Variants in WIPF2 observed in about 807,000 individuals in gnomAD.
WIPF2 encodes the protein WAS/WASL interacting protein family member 2.
Under a neutral mutation model 38.8 loss-of-function variants are expected in WIPF2, and 23 were observed. The observed-to-expected ratio is 0.59, with a 90% CI of 0.43 to 0.84. The LOEUF is 0.84. Ranked by LOEUF, WIPF2 falls within the 40% of genes least tolerant of loss-of-function variation. WIPF2 has a pLI of 0.00. For missense variants in WIPF2, 574 were observed against 580.5 expected (o/e 0.99, Z 0.11); for synonymous variants, 210 against 223.2 (o/e 0.94, Z 0.53).
At chr17:40,260,257 G>A (rs1401651639) in intron 2 of WIPF2, among the ~76,000 whole-genome samples, 2 of 138,636 alleles carry the variant, frequency 1.4e-5, no homozygotes, top group Non-Finnish European at 3.0e-5. Flanking sequence ...GTGTGATCTC[G>A]GCTCACTGCA....
intron 1 of WIPF2, among the ~76,000 whole-genome samples, chr17:40,242,091 A>G (rs1035205362): frequency 1.3e-5 from 2 of 152,192 alleles, no homozygotes; most frequent in African/African-American, 4.8e-5. Context: ...GCTCTATAGA[A>G]ATAGCTGTAA....
At chr17:40,241,008 T>C (rs1158240815) in intron 1 of WIPF2, among the ~76,000 whole-genome samples, 1 of 152,156 alleles carries the variant, frequency 6.6e-6, no homozygotes, top group Non-Finnish European at 1.5e-5. Context: ...GAACATTGAT[T>C]AATGCATGCA....
intron 1 of WIPF2, among the ~76,000 whole-genome samples, chr17:40,249,429 T>C (rs1423245275): frequency 1.3e-5 from 2 of 152,138 alleles, no homozygotes; most frequent in Non-Finnish European, 2.9e-5. Context: ...CTTTGTCTTT[T>C]TAAAGATGGA....
intron 2 of WIPF2, among the ~76,000 whole-genome samples, chr17:40,259,763 G>T (rs1184207890): frequency 6.6e-6 from 1 of 152,058 alleles, no homozygotes; most frequent in African/African-American, 2.4e-5. Flanking sequence ...TCAGCTTCTG[G>T]CCCACCCTTT....
Position 40,263,557 on chromosome 17 carries a change from C to A in WIPF2, c.313+916C>A, listed in dbSNP as rs902596317. Among the ~76,000 whole-genome samples the A allele has an allele frequency of 5.0e-5, 7 of 139,538 alleles. 1 individual carries two copies. The highest frequency in any genetic ancestry group is 1.6e-4 in the African/African-American group (6 of 38,414). The allele number at this position is 139,538 out of a possible 152,430, so 91.5% of individuals were successfully genotyped here. A position where few individuals can be genotyped will look rare whatever the true frequency, so the allele number is the denominator to read the frequency against. On this transcript the variant is annotated intron_variant, in intron 4 of 7. Coordinates refer to ENST00000323571, the MANE Select transcript of WIPF2 (RefSeq NM_133264.5). Reference sequence around the variant, plus strand: ...ATTTTATTTATTCGTCCCCCCCCCCCCCGCAAATGGAGTCTTGCTCTGTCG... The same window carrying A: ...ATTTTATTTATTCGTCCCCCCCCCCACCGCAAATGGAGTCTTGCTCTGTCG...
chr17:40,276,003 C>T (rs1338404063), intron 6 of WIPF2, among the ~76,000 whole-genome samples: 2 of 152,142 alleles, frequency 1.3e-5, no homozygotes, highest in Non-Finnish European at 2.9e-5. Context: ...GATCAAGCCG[C>T]ACTTACAGAA....
At position 40,282,146 on chromosome 17, in the gene WIPF2, A is replaced by G; in HGVS notation, c.*3921A>G. ...AAAAAAAAAAAAAAGGATAACTTTAACCGAAGGAAGGGTTTGGTTCCATTC... is the reference window on the plus strand; with the variant it reads ...AAAAAAAAAAAAAAGGATAACTTTAGCCGAAGGAAGGGTTTGGTTCCATTC... On this transcript the variant is annotated 3_prime_UTR_variant, in exon 8 of 8. Transcript: ENST00000323571. 6.6e-6 allele frequency: 1 copy of G among 150,636 alleles called. No homozygotes were observed. The highest frequency in any genetic ancestry group is 1.5e-5 in the Non-Finnish European group (1 of 67,798). 9.3% of individuals were successfully genotyped at this position (150,636 alleles called of 1,614,324 possible). A position where few individuals can be genotyped will look rare whatever the true frequency, so the allele number is the denominator to read the frequency against.
intron 5 of WIPF2, among the ~76,000 whole-genome samples, chr17:40,270,143 A>G (rs971270575): frequency 6.6e-6 from 1 of 150,754 alleles, no homozygotes; most frequent in Non-Finnish European, 1.5e-5. Flanking sequence ...AGGCGGGCAG[A>G]TCATGAGGTC....
chr17:40,223,264 C>T (rs2030330521), intron 1 of WIPF2, among the ~76,000 whole-genome samples: 2 of 151,936 alleles, frequency 1.3e-5, no homozygotes, highest in Non-Finnish European at 2.9e-5. Context: ...CTGGCTCAGC[C>T]TCCCAAGTAG....
intron 4 of WIPF2, among the ~76,000 whole-genome samples, 197 bp from the exon 5 acceptor site, chr17:40,264,293 T>G (rs2032003818): frequency 8.8e-6 from 1 of 113,440 alleles, no homozygotes; most frequent in African/African-American, 3.5e-5. Context: ...ACCATTGCAC[T>G]CCAGCCTAGG....
In WIPF2 at chr17:40,283,690, TAAAGA is replaced by T. The variant is rs1255468139; in HGVS notation, c.*5472_*5476del. 2 of 152,202 alleles carry T rather than the reference TAAAGA, an allele frequency of 1.3e-5. No individual in the cohort carries two copies. The highest frequency in any genetic ancestry group is 2.9e-5 in the Non-Finnish European group (2 of 68,042). 9.4% of individuals were successfully genotyped at this position (152,202 alleles called of 1,614,324 possible). ...GCATGGCAGATTCTCAGATTGAGGC[TAAAGA>T]AAAGAAGGGTGGGGACAAAGCATAC... is the stretch of plus-strand genomic sequence containing the variant. On this transcript the variant is annotated 3_prime_UTR_variant, in exon 8 of 8. Coordinates refer to ENST00000323571, the MANE Select transcript of WIPF2 (RefSeq NM_133264.5).
chr17:40,259,096 C>T lies in WIPF2; in HGVS notation c.64-1439C>T, dbSNP rs2031820894. On this transcript the variant is annotated intron_variant, in intron 2 of 7. Coordinates refer to ENST00000323571, the MANE Select transcript of WIPF2 (RefSeq NM_133264.5). ...GTCTCACTTTGTTGCCTAGACTAGT[C>T]TTGAACTCCTGGCTTCAAGTGATCC... 3.1e-5 allele frequency among the ~76,000 whole-genome samples: 4 copies of T among 130,208 alleles called. No homozygotes were observed. The South Asian group carries it at 1.1e-3, about 34-fold the overall frequency. The allele number at this position is 130,208 out of a possible 152,430, so 85.4% of individuals were successfully genotyped here. A position where few individuals can be genotyped will look rare whatever the true frequency, so the allele number is the denominator to read the frequency against.
intron 1 of WIPF2, among the ~76,000 whole-genome samples, chr17:40,236,607 CTTTTTTTTTTT>C (rs56250344): frequency 7.5e-6 from 1 of 133,500 alleles, no homozygotes; most frequent in Non-Finnish European, 1.6e-5. Context: ...CACTCAGCCT[CTTTTTTTTTTT>C]TTTTTTTTAA....
At chr17:40,225,447 T>A (rs1309286367) in intron 1 of WIPF2, among the ~76,000 whole-genome samples, 1 of 152,140 alleles carries the variant, frequency 6.6e-6, no homozygotes, top group Non-Finnish European at 1.5e-5. Context: ...TTTGGCTCAT[T>A]TTGGCTTAAG....
rs1351351907 is a variant in WIPF2 at position 40,280,855 on chromosome 17, T to C, written c.*2630T>C. ...TCATGCAAAAAGGCCTGGGTCTAGATCTAGTCAGATGAGTTTTTTTTAGAG... is the reference window on the plus strand; with the variant it reads ...TCATGCAAAAAGGCCTGGGTCTAGACCTAGTCAGATGAGTTTTTTTTAGAG... On this transcript the variant is annotated 3_prime_UTR_variant, in exon 8 of 8. Coordinates refer to ENST00000323571, the MANE Select transcript of WIPF2 (RefSeq NM_133264.5). 2 of 152,564 alleles carry C rather than the reference T, an allele frequency of 1.3e-5. No homozygotes were observed. Among genetic ancestry groups the C allele is most frequent in the Non-Finnish European group, 2.9e-5 (2 of 68,020 alleles). The allele number at this position is 152,564 out of a possible 1,614,324, so 9.5% of individuals were successfully genotyped here.
At chr17:40,242,215 A>G (rs1299274079) in intron 1 of WIPF2, among the ~76,000 whole-genome samples, 3 of 152,110 alleles carry the variant, frequency 2.0e-5, no homozygotes, top group African/African-American at 4.8e-5. Context: ...CTGTCTTTGC[A>G]ATCAAAATAA....
Position 40,264,640 on chromosome 17 carries a change from C to T in WIPF2, c.464C>T (p.Ser155Phe), listed in dbSNP as rs757397533. 2.5e-6 allele frequency: 4 copies of T among 1,613,992 alleles called. No homozygotes were observed. The highest frequency in any genetic ancestry group is 3.3e-5 in the Admixed American group (2 of 60,004). ...GAACTGCCCCGGATGCAGAGACCCT[C>T]TTTACCGGACCTCTCTCGGCCTAAT... ...LPELPRMQRP[S>F]LPDLSRPNTT... Residue 155 changes from serine (S) to phenylalanine (F), a missense_variant, in exon 5 of 8, where the codon TCT becomes TTT. Coordinates refer to ENST00000323571, the MANE Select transcript of WIPF2 (RefSeq NM_133264.5).
At chr17:40,273,315 G>A (rs369440899) in intron 5 of WIPF2, among the ~76,000 whole-genome samples, 1 of 152,142 alleles carries the variant, frequency 6.6e-6, no homozygotes. Flanking sequence ...GATTATAGAC[G>A]TGAGCCATCA....
Position 40,265,041 on chromosome 17 carries a change from G to A in WIPF2, c.865G>A (p.Gly289Arg), listed in dbSNP as rs187575943. The change falls in exon 5 of 8, where the codon GGG becomes AGG. Residue 289 changes from glycine (G) to arginine (R), a missense_variant. Physicochemically the swap from Gly to Arg is moderately radical, Grantham distance 125. Transcript: ENST00000323571. The stretch of plus-strand genomic sequence containing the variant: ...CAATTCTTTGCATAGGAAGACACCA[G>A]GGCCTGTCAGAGGCCTAGCACCTCC... ...RHNSLHRKTP[G>R]PVRGLAPPPP... 8.4e-5 allele frequency: 135 copies of A among 1,614,006 alleles called. 2 individuals carry two copies. The East Asian group carries it at 2.7e-3, about 33-fold the overall frequency.
Sources: allele counts gnomAD v4.1 joint callset (sites outside exome capture counted in the v4.1 genomes callset), GRCh38; gene constraint gnomAD v4.1.1; transcripts MANE v1.5; gene names NCBI Gene and HGNC (gene_info 2026-07-23, HGNC 2026-07-21).